Variants in EVL observed in about 807,000 individuals in gnomAD.
EVL encodes ena/VASP-like protein.
Under a neutral mutation model 59.6 loss-of-function variants are expected in EVL, and 21 were observed. The ratio of observed to expected loss-of-function variants is 0.35; its 90% CI spans 0.25 to 0.51. The LOEUF is 0.51. Ranked by LOEUF, EVL falls within the 20% of genes least tolerant of loss-of-function variation. The pLI, the probability that EVL is intolerant of heterozygous loss-of-function variation, is 0.97. For missense variants in EVL, 462 were observed against 546.6 expected, an observed-to-expected ratio of 0.85 and a Z score of 1.54; for synonymous variants, 198 against 203.5, an observed-to-expected ratio of 0.97 and a Z score of 0.23.
intron 4 of EVL, among the ~76,000 whole-genome samples, chr14:100,125,207 C>T (rs1413504764): frequency 1.4e-5 from 2 of 142,076 alleles, no homozygotes; most frequent in African/African-American, 2.7e-5. Flanking sequence ...TGCCCCAAGA[C>T]GGGATCACAC....
At chr14:100,058,570 A>G (rs1264378077) in intron 1 of EVL, among the ~76,000 whole-genome samples, 3 of 152,172 alleles carry the variant, frequency 2.0e-5, no homozygotes, top group African/African-American at 4.8e-5. Flanking sequence ...TTCCTATTCT[A>G]TCTTTCCAAC....
chr14:100,122,171 C>T (rs1595219956), intron 3 of EVL, among the ~76,000 whole-genome samples: 2 of 152,360 alleles, frequency 1.3e-5, no homozygotes, highest in African/African-American at 4.8e-5. Context: ...CCCACAGCAC[C>T]TTGCACACCA....
intron 1 of EVL, among the ~76,000 whole-genome samples, chr14:100,056,383 T>C (rs2061733366): frequency 1.3e-5 from 2 of 152,000 alleles, no homozygotes; most frequent in South Asian, 4.1e-4. Flanking sequence ...AATTATATTT[T>C]TATACTAAAA....
chr14:100,033,388 A>T (rs117475682), intron 1 of EVL, among the ~76,000 whole-genome samples: 1 of 152,194 alleles, frequency 6.6e-6, no homozygotes, highest in African/African-American at 2.4e-5. Context: ...AGGTGGTTAC[A>T]TTATTATTAC....
upstream of EVL, among the ~76,000 whole-genome samples, chr14:100,065,070 A>G (rs1566992865): frequency 6.6e-6 from 1 of 151,014 alleles, no homozygotes; most frequent in Non-Finnish European, 1.5e-5. Flanking sequence ...ACAGATGGAA[A>G]ACTGAAGCTC....
intron 1 of EVL, among the ~76,000 whole-genome samples, chr14:100,015,968 A>G (rs1032671133): frequency 6.6e-6 from 1 of 151,940 alleles, no homozygotes; most frequent in African/African-American, 2.4e-5. Flanking sequence ...AATCCCAGCT[A>G]CTGGGGAAGC....
At chr14:100,040,367 C>CG (rs2140232079) in intron 1 of EVL, among the ~76,000 whole-genome samples, 1 of 152,294 alleles carries the variant, frequency 6.6e-6, no homozygotes, top group South Asian at 2.1e-4. Context: ...ATTAGCCTCC[C>CG]GTCTAGTCTA....
chr14:100,033,705 G>A (rs2061347337), intron 1 of EVL, among the ~76,000 whole-genome samples: 2 of 152,292 alleles, frequency 1.3e-5, no homozygotes, highest in South Asian at 4.1e-4. Flanking sequence ...TGTACTTGTA[G>A]CCTTATAAGA....
intron 1 of EVL, among the ~76,000 whole-genome samples, chr14:100,045,636 C>T (rs1244626704): frequency 6.6e-6 from 1 of 152,230 alleles, no homozygotes; most frequent in Non-Finnish European, 1.5e-5. Context: ...AGAGGTAGAG[C>T]TAGGACTGTC....
intron 1 of EVL, among the ~76,000 whole-genome samples, chr14:99,973,598 G>C (rs1250982288): frequency 6.6e-6 from 1 of 152,146 alleles, no homozygotes; most frequent in Admixed American, 6.6e-5. Flanking sequence ...GAGTAGCTGG[G>C]ATTACAGGTA....
chr14:100,101,460 A>G (rs981507447), intron 3 of EVL, among the ~76,000 whole-genome samples: 3 of 152,166 alleles, frequency 2.0e-5, no homozygotes, highest in Non-Finnish European at 4.4e-5. Flanking sequence ...ACTTTGGGCA[A>G]CAAGAGCGAA....
chr14:100,047,945 T>A (rs527768861), intron 1 of EVL, among the ~76,000 whole-genome samples: 2 of 152,312 alleles, frequency 1.3e-5, no homozygotes, highest in African/African-American at 4.8e-5. Flanking sequence ...TTTGGCCTAA[T>A]CCTCACATGT....
intron 4 of EVL, among the ~76,000 whole-genome samples, chr14:100,125,361 G>A (rs1480121632): frequency 6.6e-6 from 1 of 152,134 alleles, no homozygotes; most frequent in Non-Finnish European, 1.5e-5. Flanking sequence ...CTTACTCAGT[G>A]ACGCAGAGAC....
intron 1 of EVL, among the ~76,000 whole-genome samples, chr14:100,056,231 TG>T (rs1487009700): frequency 6.6e-6 from 1 of 152,206 alleles, no homozygotes; most frequent in African/African-American, 2.4e-5. Context: ...ATTTTTTTTT[TG>T]CTTCTGAGAT....
At position 100,009,931 on chromosome 14, in the gene EVL, C is replaced by T. The variant is rs191287152; in HGVS notation, c.5+37874C>T. Among the ~76,000 whole-genome samples, 603 of 152,238 alleles carry T rather than the reference C, an allele frequency of 4.0e-3. 3 individuals carry two copies. Among genetic ancestry groups the T allele is most frequent in the Middle Eastern group, 0.017 (5 of 294 alleles). On this transcript the variant is annotated intron_variant, in intron 1 of 13. Coordinates refer to the EVL transcript ENST00000402714. ...AGTTTATCTGAAGACCTGGGATTAA[C>T]GGAAAGGAATGTTCAGGTTAAGATA...
At chr14:99,985,133 G>GATAT (rs3072365) in intron 1 of EVL, among the ~76,000 whole-genome samples, 34 of 151,332 alleles carry the variant, frequency 2.2e-4, no homozygotes, top group Non-Finnish European at 4.1e-4. Flanking sequence ...TTGCTTGACA[G>GATAT]ATATATATAT....
intron 2 of EVL, among the ~76,000 whole-genome samples, chr14:100,094,375 T>A (rs1885657350): frequency 6.6e-6 from 1 of 151,778 alleles, no homozygotes; most frequent in Non-Finnish European, 1.5e-5. Flanking sequence ...CACTTTGAGG[T>A]TTGGAAAAAA....
chr14:99,972,602 C>G lies in EVL; in HGVS notation c.5+545C>G, dbSNP rs978510996. Among the ~76,000 whole-genome samples the G allele has an allele frequency of 6.6e-6, 1 of 152,024 alleles. No homozygotes were observed. Among genetic ancestry groups the G allele is most frequent in the Non-Finnish European group, 1.5e-5 (1 of 67,998 alleles). ...CTTCGTCTCCTAATTCTCAACCCCC[C>G]TTTTTTTTCTTCTTGCACGCCAGTA... On this transcript the variant is annotated intron_variant, in intron 1 of 13. Coordinates refer to the EVL transcript ENST00000402714. This position sits in a 1 kb window ranked among gnomAD's most constrained non-coding sequence, Gnocchi z 4.4.
chr14:100,046,630 G>A (rs918543296), intron 1 of EVL, among the ~76,000 whole-genome samples: 6 of 150,760 alleles, frequency 4.0e-5, no homozygotes, highest in Non-Finnish European at 8.8e-5. Context: ...TGATGCCAGC[G>A]CACTCCAGCC....
Sources: gnomAD v4.1 joint callset for allele counts (sites outside exome capture counted in the v4.1 genomes callset) on GRCh38, gnomAD v4.1.1 for gene constraint, Gnocchi (gnomAD v3.1) non-coding constraint, MANE v1.5 for transcripts, NCBI Gene and HGNC (gene_info 2026-07-23, HGNC 2026-07-21) for gene names.